The following RGS7BP variants were observed in gnomAD, a reference collection of about 807,000 sequenced individuals.
RGS7BP encodes the protein regulator of G protein signaling 7-binding protein.
Under a neutral mutation model 31.3 loss-of-function variants are expected in RGS7BP, and 9 were observed. The ratio of observed to expected loss-of-function variants is 0.29; its 90% CI spans 0.17 to 0.50. RGS7BP has a LOEUF of 0.50. RGS7BP is among the 20% of genes least tolerant of loss of function. The pLI is 0.98. For synonymous variants in RGS7BP, 115 were observed against 120.1 expected, an observed-to-expected ratio of 0.96 and a Z score of 0.28; for missense variants, 274 against 322.0, an observed-to-expected ratio of 0.85 and a Z score of 1.14.
rs1743403798 is a variant in RGS7BP at position 64,607,858 on chromosome 5, A to G, written c.683-1303A>G. On this transcript the variant is annotated intron_variant, in intron 5 of 5. Transcript: ENST00000334025. ...TGCAGTTGGCTGAGAGGAGGGGGCC[A>G]TTCAGGTGGTTGGGGGGTTTACAAT... Among the ~76,000 whole-genome samples the G allele has an allele frequency of 2.0e-5, 3 of 149,892 alleles. No individual in the cohort carries two copies. The South Asian group carries it at 6.5e-4, about 33-fold the overall frequency.
chr5:64,578,957 AAAC>A (rs776454948), intron 3 of RGS7BP, among the ~76,000 whole-genome samples: 5 of 152,238 alleles, frequency 3.3e-5, no homozygotes, highest in East Asian at 1.9e-4. Flanking sequence ...GAAAAAAATA[AAAC>A]AACAAGTCAT....
chr5:64,578,399 A>C (rs548146155), intron 3 of RGS7BP, among the ~76,000 whole-genome samples: 5 of 152,184 alleles, frequency 3.3e-5, no homozygotes, highest in Non-Finnish European at 5.9e-5. Flanking sequence ...TTAAAGTGTA[A>C]TCCTTAGAAA....
At position 64,564,994 on chromosome 5, in the gene RGS7BP, T is replaced by C. The variant is rs186483534; in HGVS notation, c.333-10780T>C. Among the ~76,000 whole-genome samples, 324 of 152,216 alleles carry C rather than the reference T, an allele frequency of 2.1e-3. 3 individuals are homozygous for C. Among genetic ancestry groups the C allele is most frequent in the Non-Finnish European group, 3.3e-3 (222 of 68,010 alleles). On this transcript the variant is annotated intron_variant, in intron 2 of 5. Coordinates refer to ENST00000334025, the MANE Select transcript of RGS7BP (RefSeq NM_001029875.3). ...AAAAGATTGACCACTGCAAGCCAAA[T>C]GAAACAAGTTTGTGGCCACATTTGG...
chr5:64,582,619 G>A (rs2111920258), intron 3 of RGS7BP, among the ~76,000 whole-genome samples: 1 of 152,246 alleles, frequency 6.6e-6, no homozygotes, highest in South Asian at 2.1e-4. Context: ...TAAATACAGA[G>A]ATAAAATATG....
chr5:64,554,441 G>T (rs1306048112), intron 2 of RGS7BP, among the ~76,000 whole-genome samples: 2 of 152,056 alleles, frequency 1.3e-5, no homozygotes, highest in African/African-American at 4.8e-5. Flanking sequence ...TCATCCATTT[G>T]TCTCCTGTTA....
chr5:64,557,882 AC>A lies in RGS7BP; in HGVS notation c.333-17891del, dbSNP rs1389049486. Among the ~76,000 whole-genome samples the A allele has an allele frequency of 1.3e-4, 20 of 152,298 alleles. No individual in the cohort carries two copies. The East Asian group carries it at 3.1e-3, about 24-fold the overall frequency. ...GTCAGTTCATATTAAGACTGCTGTG[AC>A]ATGAGTTCAAGGACAAGAAATGAAG... On this transcript the variant is annotated intron_variant, in intron 2 of 5. Coordinates refer to ENST00000334025, the MANE Select transcript of RGS7BP (RefSeq NM_001029875.3).
intron 4 of RGS7BP, among the ~76,000 whole-genome samples, chr5:64,597,576 A>G (rs1331107948): frequency 6.6e-6 from 1 of 151,574 alleles, no homozygotes; most frequent in Non-Finnish European, 1.5e-5. Flanking sequence ...CTGAATTCCA[A>G]TCGTAGTAAC....
At chr5:64,551,686 A>C (rs1741800138) in intron 2 of RGS7BP, among the ~76,000 whole-genome samples, 1 of 150,394 alleles carries the variant, frequency 6.6e-6, no homozygotes, top group African/African-American at 2.5e-5. Context: ...GGCCGTTTTT[A>C]GGTCTGGAAA....
At chr5:64,576,043 T>A (rs578095067) in intron 3 of RGS7BP, 139 bp downstream of exon 3, 8 of 731,320 alleles carry the variant, frequency 1.1e-5, no homozygotes, top group Non-Finnish European at 1.7e-5. Flanking sequence ...AAATGCTTGC[T>A]ATATAAATGA....
intron 3 of RGS7BP, among the ~76,000 whole-genome samples, chr5:64,577,797 G>A (rs905375935): frequency 6.6e-6 from 1 of 152,158 alleles, no homozygotes; most frequent in Non-Finnish European, 1.5e-5. Context: ...ATACAGAGTA[G>A]TATTTTCATT....
chr5:64,590,512 T>C (rs1186102597), intron 3 of RGS7BP, among the ~76,000 whole-genome samples: 2 of 152,174 alleles, frequency 1.3e-5, no homozygotes, highest in African/African-American at 4.8e-5. Flanking sequence ...GATTGTTTTC[T>C]AGGACGAATG....
At chr5:64,561,755 A>G (rs1427738224) in intron 2 of RGS7BP, among the ~76,000 whole-genome samples, 1 of 152,154 alleles carries the variant, frequency 6.6e-6, no homozygotes, top group Non-Finnish European at 1.5e-5. Flanking sequence ...GATCTTACAT[A>G]ATTTATGCCA....
At chr5:64,532,185 A>G (rs1749387216) in intron 2 of RGS7BP, among the ~76,000 whole-genome samples, 1 of 152,248 alleles carries the variant, frequency 6.6e-6, no homozygotes, top group Non-Finnish European at 1.5e-5. Flanking sequence ...AATTTGGATG[A>G]TAAAAACTGA....
intron 2 of RGS7BP, among the ~76,000 whole-genome samples, chr5:64,511,225 G>A (rs1748823790): frequency 6.6e-6 from 1 of 152,204 alleles, no homozygotes; most frequent in African/African-American, 2.4e-5. Context: ...GTTTAAGAAG[G>A]CCATCTCCAC....
In RGS7BP at chr5:64,506,347, GC is replaced by G. The variant is rs1278970428; in HGVS notation, c.-275del. 7 of 326,470 alleles carry G rather than the reference GC, an allele frequency of 2.1e-5. No homozygotes were observed. Among genetic ancestry groups the G allele is most frequent in the Non-Finnish European group, 3.3e-5 (6 of 180,398 alleles). 20.2% of individuals were successfully genotyped at this position (326,470 alleles called of 1,614,324 possible). On this transcript the variant is annotated 5_prime_UTR_variant, in exon 1 of 6. The change abolishes the stop of an existing upstream ORF in the 5' untranslated region. Transcript: ENST00000334025. This position sits in a 1 kb window ranked among gnomAD's most constrained non-coding sequence, Gnocchi z 4.6. ...GAAGGCAGTGCGAGCCCGCGCCAGCGCCCAGCTCCCGGGACAGGGTCGGCAA... is the reference window on the plus strand; with the variant it reads ...GAAGGCAGTGCGAGCCCGCGCCAGCGCCAGCTCCCGGGACAGGGTCGGCAA...
In RGS7BP at chr5:64,567,519, A is replaced by G. The variant is rs567009169; in HGVS notation, c.333-8255A>G. Among the ~76,000 whole-genome samples the G allele has an allele frequency of 1.4e-4, 21 of 152,268 alleles. No individual in the cohort carries two copies. The South Asian group carries it at 3.9e-3, about 29-fold the overall frequency. ...CATTTTACGATACTTGCTTTATTAC[A>G]TATCTACCTGTCTGTTTATCCCTCT... On this transcript the variant is annotated intron_variant, in intron 2 of 5. Transcript: ENST00000334025.
intron 2 of RGS7BP, among the ~76,000 whole-genome samples, chr5:64,528,048 C>T (rs114093389): frequency 1.2e-3 from 178 of 152,310 alleles, no homozygotes; most frequent in African/African-American, 3.9e-3. Flanking sequence ...ATATTTATTA[C>T]GAAGATATAT....
At chr5:64,512,624 GTAATA>G (rs1748869412) in intron 2 of RGS7BP, among the ~76,000 whole-genome samples, 2 of 152,126 alleles carry the variant, frequency 1.3e-5, no homozygotes, top group African/African-American at 4.8e-5. Context: ...CAAGTTAGTG[GTAATA>G]TAATAAGACA....
chr5:64,594,670 C>T, intron 3 of RGS7BP, 40 bp from the exon 4 acceptor site: 2 of 1,610,024 alleles, frequency 1.2e-6, no homozygotes, highest in Non-Finnish European at 8.5e-7. Flanking sequence ...TTTATGATTT[C>T]TTTTTCCTCT....
Sources: allele counts gnomAD v4.1 joint callset (sites outside exome capture counted in the v4.1 genomes callset), GRCh38; gene constraint gnomAD v4.1.1; non-coding constraint Gnocchi (gnomAD v3.1); transcripts MANE v1.5; gene names NCBI Gene and HGNC (gene_info 2026-07-23, HGNC 2026-07-21).